The following TASP1 variants were observed in gnomAD, a reference collection of about 807,000 sequenced individuals.
The protein encoded by TASP1 is taspase 1, also known as threonine aspartase 1.
TASP1 carries 16 observed loss-of-function variants against 56.6 expected under a neutral mutation model. That is an observed-to-expected ratio of 0.28 (90% CI 0.19 to 0.43). TASP1 has a LOEUF of 0.43. TASP1 is among the 20% of genes least tolerant of loss of function. The pLI is 1.00. For missense variants in TASP1, 393 were observed against 511.6 expected (o/e 0.77, Z 2.24); for synonymous variants, 179 against 184.2 (o/e 0.97, Z 0.23).
chr20:13,372,607 G>T, the TASP1 span, among the ~76,000 whole-genome samples: 4 of 151,078 alleles, frequency 2.6e-5, no homozygotes, highest in Non-Finnish European at 5.9e-5. Context: ...TTTTTCTGGA[G>T]AACACTAATA....
At chr20:13,198,304 T>C in the TASP1 span, among the ~76,000 whole-genome samples, 4 of 152,164 alleles carry the variant, frequency 2.6e-5, no homozygotes, top group Admixed American at 2.0e-4. Context: ...GGTGCCAATG[T>C]GGTCGGGTTC....
the TASP1 span, chr20:13,299,960 G>C: frequency 6.6e-6 from 1 of 152,532 alleles, no homozygotes; most frequent in Non-Finnish European, 1.5e-5. The surrounding 1 kb of genome is among the most constrained non-coding windows in gnomAD (Gnocchi z 5.8). Context: ...AAGTGGAAGA[G>C]AAAGGGAATT....
the TASP1 span, among the ~76,000 whole-genome samples, chr20:13,324,583 A>T: frequency 6.6e-6 from 1 of 152,230 alleles, no homozygotes; most frequent in East Asian, 1.9e-4. Flanking sequence ...TTATGCCTTA[A>T]TCATGCTCAT....
the TASP1 span, among the ~76,000 whole-genome samples, chr20:13,310,919 C>T: frequency 6.6e-6 from 1 of 152,196 alleles, no homozygotes; most frequent in Non-Finnish European, 1.5e-5. Context: ...AGAGGCCAGG[C>T]ACGGTGGCTC....
intron 10 of TASP1, among the ~76,000 whole-genome samples, chr20:13,518,791 T>C (rs1236705512): frequency 6.6e-6 from 1 of 152,058 alleles, no homozygotes; most frequent in Non-Finnish European, 1.5e-5. Context: ...GAGCTAAAAA[T>C]AGAACCACCA....
At chr20:13,484,243 GTCTGGTGAT>G (rs1460231805) in intron 10 of TASP1, among the ~76,000 whole-genome samples, 1 of 152,218 alleles carries the variant, frequency 6.6e-6, no homozygotes, top group Non-Finnish European at 1.5e-5. Flanking sequence ...ATGGAAGATA[GTCTGGTGAT>G]TCCTCAAGGA....
At chr20:13,605,784 T>A (rs1355582957) in intron 4 of TASP1, among the ~76,000 whole-genome samples, 3 of 152,260 alleles carry the variant, frequency 2.0e-5, no homozygotes, top group African/African-American at 7.2e-5. Context: ...TTAATAATCA[T>A]GTCCAGTAAG....
chr20:13,302,138 A>G, the TASP1 span, among the ~76,000 whole-genome samples: 3,113 of 152,330 alleles, frequency 0.02, 102 homozygotes, highest in African/African-American at 0.072. Flanking sequence ...ATTTAGAGTG[A>G]AATCTCAAAG....
At chr20:13,148,297 T>G in the TASP1 span, among the ~76,000 whole-genome samples, 3 of 152,186 alleles carry the variant, frequency 2.0e-5, no homozygotes, top group Non-Finnish European at 4.4e-5. Context: ...GTTAAAGTAT[T>G]TGTGGCCTCC....
At chr20:13,149,535 G>T in the TASP1 span, among the ~76,000 whole-genome samples, 1 of 152,208 alleles carries the variant, frequency 6.6e-6, no homozygotes, top group Non-Finnish European at 1.5e-5. Flanking sequence ...GTAATTGAAA[G>T]GAGCTGTATC....
rs146043204 is a variant in TASP1, at chr20:13,517,327, T to C, written c.874+11106A>G. Among the ~76,000 whole-genome samples the C allele has an allele frequency of 3.7e-4, 56 of 152,186 alleles. No individual in the cohort carries two copies. In the East Asian group the frequency reaches 0.011, roughly 29 times the overall value. ...CTGCTGCTTTATTGCATGAGGCCAA[T>C]TACAAGTCGTCTTGCTGAGGAGCAA... On this transcript the variant is annotated intron_variant, in intron 10 of 13. Coordinates refer to ENST00000337743, the MANE Select transcript of TASP1 (RefSeq NM_017714.3).
At chr20:13,480,291 T>C (rs2043092310) in intron 11 of TASP1, among the ~76,000 whole-genome samples, 1 of 152,156 alleles carries the variant, frequency 6.6e-6, no homozygotes. Context: ...AAGTTGAGAG[T>C]GGAAACAACT....
chr20:13,545,274 A>G (rs2045766876), intron 8 of TASP1, among the ~76,000 whole-genome samples: 1 of 152,218 alleles, frequency 6.6e-6, no homozygotes, highest in Admixed American at 6.5e-5. Context: ...ATTCTAGGAT[A>G]TAAAATATAA....
At chr20:13,242,121 C>A in the TASP1 span, among the ~76,000 whole-genome samples, 1 of 151,988 alleles carries the variant, frequency 6.6e-6, no homozygotes, top group African/African-American at 2.4e-5. Flanking sequence ...GGTTTACTGA[C>A]AAAAGGTCTA....
chr20:13,437,127 G>A (rs867110029), intron 11 of TASP1, among the ~76,000 whole-genome samples: 196 of 152,104 alleles, frequency 1.3e-3, no homozygotes, highest in African/African-American at 4.5e-3. Flanking sequence ...CTGGCAAACC[G>A]AATCCAGCAG....
chr20:13,254,190 G>A, the TASP1 span, among the ~76,000 whole-genome samples: 9 of 151,712 alleles, frequency 5.9e-5, no homozygotes, highest in Non-Finnish European at 5.9e-5. Context: ...CCAAGATCAC[G>A]TCACTGCACC....
chr20:13,294,744 C>A, the TASP1 span, among the ~76,000 whole-genome samples: 2 of 152,176 alleles, frequency 1.3e-5, no homozygotes, highest in Admixed American at 6.5e-5. Flanking sequence ...ACAGCCTATC[C>A]CAGCTGGCAG....
the TASP1 span, among the ~76,000 whole-genome samples, chr20:13,223,888 A>G: frequency 6.6e-6 from 1 of 152,154 alleles, no homozygotes; most frequent in Non-Finnish European, 1.5e-5. Context: ...GGAAAAGTAA[A>G]TTTGGCAGAT....
chr20:13,487,299 C>G (rs1005895110), intron 10 of TASP1, among the ~76,000 whole-genome samples: 1 of 152,144 alleles, frequency 6.6e-6, no homozygotes, highest in Non-Finnish European at 1.5e-5. Context: ...GGCAGGGGTG[C>G]TACTACATAT....
Sources: allele counts gnomAD v4.1 joint callset (sites outside exome capture counted in the v4.1 genomes callset), GRCh38; gene constraint gnomAD v4.1.1; non-coding constraint Gnocchi (gnomAD v3.1); transcripts MANE v1.5; gene names NCBI Gene and HGNC (gene_info 2026-07-23, HGNC 2026-07-21).